Variants in BNIPL observed in about 807,000 individuals in gnomAD.
BNIPL encodes the protein BCL2 interacting protein like.
A neutral mutation model predicts 47.0 loss-of-function variants in BNIPL; 33 were observed. The observed-to-expected ratio is 0.70, with a 90% CI of 0.53 to 0.94. The LOEUF is 0.94. Ranked by LOEUF, BNIPL falls within the 40% of genes least tolerant of loss-of-function variation. BNIPL has a pLI of 0.00. For missense variants in BNIPL, 404 were observed against 445.2 expected (o/e 0.91, Z 0.83); for synonymous variants, 145 against 162.7 (o/e 0.89, Z 0.83).
rs777126736 is a variant in BNIPL, at chr1:151,038,781, T to TC, written c.203-10dup. On this transcript the variant is annotated splice_polypyrimidine_tract_variant and intron_variant, in intron 3 of 9. Coordinates refer to ENST00000368931, the MANE Select transcript of BNIPL (RefSeq NM_138278.4). ...CACACACCCATCTTGGTTCTCTTTTTCCCCCTTTCTCCAGCTGCAGGTACC... is the reference window on the plus strand; with the variant it reads ...CACACACCCATCTTGGTTCTCTTTTTCCCCCCTTTCTCCAGCTGCAGGTACC... 1.3e-6 allele frequency: 2 copies of TC among 1,561,650 alleles called. No individual in the cohort carries two copies. Among genetic ancestry groups the TC allele is most frequent in the South Asian group, 2.4e-5 (2 of 82,530 alleles).
At chr1:151,045,954 C>G (rs1490654916) in intron 8 of BNIPL, 71 bp downstream of exon 8, 2 of 1,613,294 alleles carry the variant, frequency 1.2e-6, no homozygotes, top group Non-Finnish European at 1.7e-6. Context: ...AGATCTTTCT[C>G]CACCTTGATT....
chr1:151,036,743 G>A lies in BNIPL; in HGVS notation c.18G>A (p.Glu6=), dbSNP rs1361978804. The change falls in exon 1 of 10, where the codon GAG becomes GAA. Residue 6 remains glutamate, a synonymous_variant. Coordinates refer to ENST00000368931, the MANE Select transcript of BNIPL (RefSeq NM_138278.4). ...TTGTGAAGATGGGAACTATACAAGAGGCAGGAAAAAAGACAGATGTTGGGT... is the reference window on the plus strand; with the variant it reads ...TTGTGAAGATGGGAACTATACAAGAAGCAGGAAAAAAGACAGATGTTGGGT... The part of the protein sequence containing the change: MGTIQ[E]AGKKTDVGVR... 1.2e-6 allele frequency: 2 copies of A among 1,611,772 alleles called. No homozygotes were observed. Among genetic ancestry groups the A allele is most frequent in the Non-Finnish European group, 1.7e-6 (2 of 1,178,042 alleles).
rs1675610579 is a variant in BNIPL at position 151,036,736 on chromosome 1, T to C, written c.11T>C (p.Ile4Thr). The C allele has an allele frequency of 6.2e-7, 1 of 1,611,668 alleles. No individual in the cohort carries two copies. Residue 4 changes from isoleucine (I) to threonine (T), a missense_variant, in exon 1 of 10, where the codon ATA becomes ACA. Physicochemically the swap from Ile to Thr is moderately conservative, Grantham distance 89 (BLOSUM62 -1). Transcript: ENST00000368931. ...GGAAGACTTGTGAAGATGGGAACTA[T>C]ACAAGAGGCAGGAAAAAAGACAGAT... MGT[I>T]QEAGKKTDVG...
In BNIPL at chr1:151,046,710, T is replaced by C. The variant is rs760101871; in HGVS notation, c.*23T>C. On this transcript the variant is annotated 3_prime_UTR_variant, in exon 10 of 10. Transcript: ENST00000368931. Reference sequence around the variant, plus strand: ...TAGCACAGGACTGGATAAAAGGCCTTAGAACCAGTTAGTGATCTGCCTACA... The same window carrying C: ...TAGCACAGGACTGGATAAAAGGCCTCAGAACCAGTTAGTGATCTGCCTACA... The C allele has an allele frequency of 1.9e-6, 3 of 1,550,114 alleles. No homozygotes were observed. Among genetic ancestry groups the C allele is most frequent in the Non-Finnish European group, 2.7e-6 (3 of 1,124,444 alleles).
At position 151,036,657 on chromosome 1, in the gene BNIPL, G is replaced by A; in HGVS notation, c.-69G>A. ...ACAGAAAAGAGGTAAGGAAGTGTTG[G>A]GGGCTGGGACAACCAGCTCCCCAAC... On this transcript the variant is annotated 5_prime_UTR_variant, in exon 1 of 10. Coordinates refer to ENST00000368931, the MANE Select transcript of BNIPL (RefSeq NM_138278.4). 7.1e-7 allele frequency: 1 copy of A among 1,404,796 alleles called. No homozygotes were observed. The highest frequency in any genetic ancestry group is 1.0e-6 in the Non-Finnish European group (1 of 990,264). The allele number at this position is 1,404,796 out of a possible 1,614,324, so 87.0% of individuals were successfully genotyped here. A position where few individuals can be genotyped will look rare whatever the true frequency, so the allele number is the denominator to read the frequency against.
rs1571832355 is a variant in BNIPL, at chr1:151,036,698, AAAG to A, written c.-24_-22del. ...GCTCCCCAACAACTCCTAGGTGTTT[AAAG>A]AAGGAGGCAGGAAGACTTGTGAAGA... On this transcript the variant is annotated 5_prime_UTR_variant, in exon 1 of 10. Coordinates refer to ENST00000368931, the MANE Select transcript of BNIPL (RefSeq NM_138278.4). The A allele has an allele frequency of 1.9e-6, 3 of 1,597,730 alleles. No individual in the cohort carries two copies. Among genetic ancestry groups the A allele is most frequent in the East Asian group, 2.2e-5 (1 of 44,742 alleles).
chr1:151,037,160 A>G (rs1283429001), intron 1 of BNIPL, among the ~76,000 whole-genome samples: 1 of 151,986 alleles, frequency 6.6e-6, no homozygotes, highest in African/African-American at 2.4e-5. Context: ...CCCTCCACTT[A>G]TGCCATGTTT....
At chr1:151,046,609 A>C in intron 9 of BNIPL, 42 bp from the exon 10 acceptor site, 4 of 1,541,620 alleles carry the variant, frequency 2.6e-6, no homozygotes, top group Non-Finnish European at 3.6e-6. Context: ...CCCAAGTCCT[A>C]CCCCCTGAAC....
rs78012920 is a variant in BNIPL, at chr1:151,037,531, G to C, written c.42-36G>C. The C allele has an allele frequency of 1.7e-3, 2,599 of 1,568,756 alleles. 43 individuals carry two copies. The African/African-American group carries it at 0.032, about 19-fold the overall frequency. ...TTCAATTATTCTTACCTACTATTCA[G>C]TTCCCTTGATCTTTTCTTCTTGGGG... On this transcript the variant is annotated intron_variant, in intron 1 of 9. Transcript: ENST00000368931.
At chr1:151,039,859 T>C (rs925055052) in intron 4 of BNIPL, among the ~76,000 whole-genome samples, 1 of 152,220 alleles carries the variant, frequency 6.6e-6, no homozygotes, top group African/African-American at 2.4e-5. Flanking sequence ...CAAGTGATTC[T>C]TGTTCCTCAG....
At position 151,046,700 on chromosome 1, in the gene BNIPL, T is replaced by C; in HGVS notation, c.*13T>C. 3 of 1,578,274 alleles carry C rather than the reference T, an allele frequency of 1.9e-6. No individual in the cohort carries two copies. Among genetic ancestry groups the C allele is most frequent in the Non-Finnish European group, 2.6e-6 (3 of 1,149,190 alleles). ...AGGAGGGACATAGCACAGGACTGGATAAAAGGCCTTAGAACCAGTTAGTGA... is the reference window on the plus strand; with the variant it reads ...AGGAGGGACATAGCACAGGACTGGACAAAAGGCCTTAGAACCAGTTAGTGA... On this transcript the variant is annotated 3_prime_UTR_variant, in exon 10 of 10. Transcript: ENST00000368931.
At chr1:151,044,359 T>C (rs757668027) in intron 7 of BNIPL, among the ~76,000 whole-genome samples, 4 of 152,222 alleles carry the variant, frequency 2.6e-5, no homozygotes, top group Non-Finnish European at 5.9e-5. Flanking sequence ...TCGAGTAAAT[T>C]AGTGTGGCAT....
rs1675718681 is a variant in BNIPL at position 151,038,812 on chromosome 1, C to T, written c.219C>T (p.Ser73=). ...TTTCTCCAGCTGCAGGTACCCCCAGCACTTTAGCCCTGTGTGGCCAGCGCC... is the reference window on the plus strand; with the variant it reads ...TTTCTCCAGCTGCAGGTACCCCCAGTACTTTAGCCCTGTGTGGCCAGCGCC... The part of the protein sequence containing the change: ...GDSQAAAGTP[S]TLALCGQRPM... Residue 73 remains serine, a synonymous_variant, in exon 4 of 10, where the codon AGC becomes AGT. Transcript: ENST00000368931. 2 of 1,591,508 alleles carry T rather than the reference C, an allele frequency of 1.3e-6. No homozygotes were observed. The highest frequency in any genetic ancestry group is 1.3e-5 in the African/African-American group (1 of 74,138).
intron 2 of BNIPL, 30 bp downstream of exon 2, chr1:151,037,692 G>GGGA (rs1320288644): frequency 1.3e-6 from 2 of 1,547,786 alleles, no homozygotes; most frequent in Non-Finnish European, 1.8e-6. Flanking sequence ...GCTGGGAGAA[G>GGGA]GGAGGGGTGG....
At position 151,038,865 on chromosome 1, in the gene BNIPL, A is replaced by C; in HGVS notation, c.272A>C (p.Glu91Ala). ...ATGCGCAAGCGTCTTTCTGCCCCAG[A>C]GTTGCGGCTGAGTCTGACTAAGGGG... Reference protein sequence around the residue: ...RPMRKRLSAPELRLSLTKGPG... With the variant: ...RPMRKRLSAPALRLSLTKGPG... Residue 91 changes from glutamate to alanine, a missense_variant, in exon 4 of 10, where the codon GAG (glutamate) becomes GCG (alanine). Coordinates refer to ENST00000368931, the MANE Select transcript of BNIPL (RefSeq NM_138278.4). 6.2e-7 allele frequency: 1 copy of C among 1,613,914 alleles called. No homozygotes were observed. Among genetic ancestry groups the C allele is most frequent in the Admixed American group, 1.7e-5 (1 of 59,950 alleles).
Position 151,038,810 on chromosome 1 carries a change from A to G in BNIPL, c.217A>G (p.Ser73Gly). The G allele has an allele frequency of 6.3e-7, 1 of 1,591,960 alleles. No homozygotes were observed. Among genetic ancestry groups the G allele is most frequent in the South Asian group, 1.1e-5 (1 of 88,406 alleles). Residue 73 changes from serine (S) to glycine (G), a missense_variant, in exon 4 of 10, where the codon AGC (serine) becomes GGC (glycine). Coordinates refer to ENST00000368931, the MANE Select transcript of BNIPL (RefSeq NM_138278.4). Reference protein sequence around the residue: ...GDSQAAAGTPSTLALCGQRPM... With the variant: ...GDSQAAAGTPGTLALCGQRPM... ...CCTTTCTCCAGCTGCAGGTACCCCCAGCACTTTAGCCCTGTGTGGCCAGCG... is the reference window on the plus strand; with the variant it reads ...CCTTTCTCCAGCTGCAGGTACCCCCGGCACTTTAGCCCTGTGTGGCCAGCG...
In BNIPL at chr1:151,047,638, C is replaced by T. The variant is rs1030862383; in HGVS notation, c.*951C>T. 1.2e-5 allele frequency: 9 copies of T among 739,746 alleles called. No individual in the cohort carries two copies. In the African/African-American group the frequency reaches 1.6e-4, roughly 13 times the overall value. The allele number at this position is 739,746 out of a possible 1,614,324, so 45.8% of individuals were successfully genotyped here. On this transcript the variant is annotated 3_prime_UTR_variant, in exon 10 of 10. Transcript: ENST00000368931. ...CTTTCACCACCCCTTGCATCCCAAACCTTCGGTTCTGGCAGAGTTCTTGCC... is the reference window on the plus strand; with the variant it reads ...CTTTCACCACCCCTTGCATCCCAAATCTTCGGTTCTGGCAGAGTTCTTGCC...
intron 2 of BNIPL, 195 bp from the exon 3 acceptor site, chr1:151,038,309 G>A (rs1384972787): frequency 6.7e-6 from 4 of 596,374 alleles, no homozygotes; most frequent in Non-Finnish European, 1.2e-5. Flanking sequence ...TGGAGGTAGA[G>A]GCTGCAGTGA....
intron 7 of BNIPL, 47 bp downstream of exon 7, chr1:151,043,774 T>A: frequency 3.9e-6 from 6 of 1,534,228 alleles, no homozygotes; most frequent in Non-Finnish European, 5.3e-6. Context: ...TCATCTTTTT[T>A]TCCCCATCTT....
Sources: gnomAD v4.1 joint callset for allele counts (sites outside exome capture counted in the v4.1 genomes callset) on GRCh38, gnomAD v4.1.1 for gene constraint, MANE v1.5 for transcripts, NCBI Gene and HGNC (gene_info 2026-07-23, HGNC 2026-07-21) for gene names.